The following ARHGAP24 variants were observed in gnomAD, a reference collection of about 807,000 sequenced individuals.
ARHGAP24 encodes the protein Rho GTPase activating protein 24.
ARHGAP24 carries 50 observed loss-of-function variants against 76.4 expected under a neutral mutation model. The ratio of observed to expected loss-of-function variants is 0.65; its 90% confidence interval spans 0.52 to 0.83. The LOEUF (loss-of-function observed/expected upper bound fraction) is 0.83, where lower values mean the gene tolerates loss of function less well. Ranked by LOEUF, ARHGAP24 falls within the 40% of genes least tolerant of loss-of-function variation. The pLI is 0.00. For synonymous variants in ARHGAP24, 345 were observed against 323.3 expected, an observed-to-expected ratio of 1.07 and a Z score of -0.72; for missense variants, 930 against 914.2, an observed-to-expected ratio of 1.02 and a Z score of -0.22.
At chr4:85,569,475 A>G (rs1726988172) in intron 1 of ARHGAP24, among the ~76,000 whole-genome samples, 2 of 152,168 alleles carry the variant, frequency 1.3e-5, no homozygotes, top group African/African-American at 4.8e-5. Flanking sequence ...TTACTGGGGC[A>G]GTTTTAGCAT....
chr4:85,792,580 C>T (rs547166928), intron 3 of ARHGAP24, among the ~76,000 whole-genome samples: 1 of 152,174 alleles, frequency 6.6e-6, no homozygotes, highest in South Asian at 2.1e-4. Context: ...AAAAATGTTT[C>T]CCTGAAATCC....
intron 2 of ARHGAP24, among the ~76,000 whole-genome samples, chr4:85,600,296 G>T (rs7685260): frequency 6.6e-6 from 1 of 152,138 alleles, no homozygotes; most frequent in African/African-American, 2.4e-5. Context: ...CTCTTGTTAA[G>T]GATATATTGT....
intron 3 of ARHGAP24, among the ~76,000 whole-genome samples, chr4:85,851,224 T>G (rs1731210761): frequency 6.6e-6 from 1 of 152,224 alleles, no homozygotes; most frequent in Non-Finnish European, 1.5e-5. Flanking sequence ...TTGTCTCTTT[T>G]GATCTTTTTG....
intron 8 of ARHGAP24, among the ~76,000 whole-genome samples, chr4:85,982,129 T>C (rs953916317): frequency 6.6e-6 from 1 of 151,762 alleles, no homozygotes; most frequent in African/African-American, 2.4e-5. Context: ...TCTGTTTTTA[T>C]GTGAGAATTT....
intron 3 of ARHGAP24, among the ~76,000 whole-genome samples, chr4:85,739,326 G>A (rs12510148): frequency 0.15 from 22,805 of 152,140 alleles, 2,372 homozygotes; most frequent in East Asian, 0.55. Context: ...ATAAGTCAGG[G>A]CATTATCCTT....
In ARHGAP24 at chr4:85,755,635, T is replaced by TTTTTTTC. The variant is rs1491034800; in HGVS notation, c.268+33663_268+33664insTTTTTTC. 9.7e-5 allele frequency among the ~76,000 whole-genome samples: 9 copies of TTTTTTTC among 92,972 alleles called. 2 individuals carry two copies. Among genetic ancestry groups the TTTTTTTC allele is most frequent in the African/African-American group, 2.8e-4 (9 of 32,380 alleles). The allele number at this position is 92,972 out of a possible 152,430, so 61.0% of individuals were successfully genotyped here. On this transcript the variant is annotated intron_variant, in intron 3 of 9. Coordinates refer to ENST00000395184, the MANE Select transcript of ARHGAP24 (RefSeq NM_001025616.3). ...AAGCTTCTATTCTTTTGTTTTGTTT[T>TTTTTTTC]GTTTTGTTTTGTTTTGAGACGGAGT...
At chr4:85,930,834 T>C in intron 4 of ARHGAP24, 1 of 1,585,762 alleles carries the variant, frequency 6.3e-7, no homozygotes, top group Non-Finnish European at 8.6e-7. Context: ...ACTTCAAAAA[T>C]AACAAGTAAA....
intron 3 of ARHGAP24, among the ~76,000 whole-genome samples, chr4:85,739,189 C>T (rs1254563199): frequency 2.3e-4 from 35 of 152,316 alleles, no homozygotes; most frequent in Non-Finnish European, 1.5e-5. Context: ...TTCTTGCTTG[C>T]CTCCCTCTCC....
At chr4:85,703,729 G>A (rs1223542950) in intron 2 of ARHGAP24, among the ~76,000 whole-genome samples, 1 of 152,106 alleles carries the variant, frequency 6.6e-6, no homozygotes, top group Non-Finnish European at 1.5e-5. Context: ...CTTTTTATAA[G>A]TCATTCAGTC....
At chr4:85,529,156 G>C (rs549479868) in intron 1 of ARHGAP24, among the ~76,000 whole-genome samples, 2 of 151,890 alleles carry the variant, frequency 1.3e-5, no homozygotes, top group African/African-American at 4.8e-5. Flanking sequence ...TAATTTTTTT[G>C]TTGTCATCAA....
At chr4:85,559,908 T>G (rs193110601) in intron 1 of ARHGAP24, among the ~76,000 whole-genome samples, 3 of 152,230 alleles carry the variant, frequency 2.0e-5, no homozygotes, top group Non-Finnish European at 2.9e-5. Flanking sequence ...GAGTTTCTAT[T>G]TGATATTTAA....
chr4:85,931,067 C>A, intron 4 of ARHGAP24: 1 of 1,598,318 alleles, frequency 6.3e-7, no homozygotes, highest in South Asian at 1.1e-5. Context: ...TGTTCATGTC[C>A]TTTTTATAAA....
At chr4:85,484,850 C>T (rs1204364094) in intron 1 of ARHGAP24, among the ~76,000 whole-genome samples, 1 of 152,062 alleles carries the variant, frequency 6.6e-6, no homozygotes, top group Non-Finnish European at 1.5e-5. Flanking sequence ...CTCCTGACCT[C>T]AAGTCATCTG....
intron 1 of ARHGAP24, among the ~76,000 whole-genome samples, chr4:85,525,313 A>G (rs1724941670): frequency 8.8e-6 from 1 of 113,998 alleles, no homozygotes; most frequent in Admixed American, 9.6e-5. Flanking sequence ...ATGCATTTAT[A>G]TCCTTTTCAC....
rs117566320 is a variant in ARHGAP24, at chr4:86,001,139, A to C, written c.*417A>C. On this transcript the variant is annotated 3_prime_UTR_variant, in exon 10 of 10. Coordinates refer to ENST00000395184, the MANE Select transcript of ARHGAP24 (RefSeq NM_001025616.3). ...GCTTATTTTATAGATCAATATTTTT[A>C]TTTCCCTTTTTTGCTGAGGAAATGA... is the stretch of plus-strand genomic sequence containing the variant. 212 of 372,340 alleles carry C rather than the reference A, an allele frequency of 5.7e-4. 1 individual carries two copies. The East Asian group carries it at 8.0e-3, about 14-fold the overall frequency. 23.1% of individuals were successfully genotyped at this position (372,340 alleles called of 1,614,324 possible).
intron 1 of ARHGAP24, among the ~76,000 whole-genome samples, chr4:85,515,623 G>C (rs1009526377): frequency 1.3e-5 from 2 of 151,738 alleles, no homozygotes; most frequent in African/African-American, 4.8e-5. Flanking sequence ...ACTCTTCCTA[G>C]TTCTTTCTTT....
At chr4:85,558,254 A>G (rs1726465950) in intron 1 of ARHGAP24, among the ~76,000 whole-genome samples, 1 of 152,156 alleles carries the variant, frequency 6.6e-6, no homozygotes, top group Non-Finnish European at 1.5e-5. Flanking sequence ...GAGTCCTCAG[A>G]GACAGGCTCT....
At chr4:85,789,257 A>G (rs1379129849) in intron 3 of ARHGAP24, among the ~76,000 whole-genome samples, 1 of 150,892 alleles carries the variant, frequency 6.6e-6, no homozygotes, top group East Asian at 1.9e-4. Context: ...TTTGGAGAGC[A>G]CCTGTGTTGG....
intron 3 of ARHGAP24, among the ~76,000 whole-genome samples, chr4:85,829,326 A>G (rs1205626411): frequency 1.3e-5 from 2 of 152,324 alleles, no homozygotes; most frequent in South Asian, 2.1e-4. Context: ...TTAACAAAGA[A>G]CATATAATAT....
Sources: allele counts gnomAD v4.1 joint callset (sites outside exome capture counted in the v4.1 genomes callset), GRCh38; gene constraint gnomAD v4.1.1; transcripts MANE v1.5; gene names NCBI Gene and HGNC (gene_info 2026-07-23, HGNC 2026-07-21).